STOX2: variants seen among roughly 807,000 people sequenced by gnomAD.
STOX2 encodes the protein storkhead-box protein 2.
In STOX2, 28 loss-of-function variants were observed where a neutral mutation model predicts 60.9. The ratio of observed to expected loss-of-function variants is 0.46; its 90% CI spans 0.34 to 0.63. STOX2 has a LOEUF of 0.63. STOX2 is among the 30% of genes least tolerant of loss of function. The pLI is 0.01. For synonymous variants in STOX2, 472 were observed against 463.9 expected (o/e 1.02, Z -0.22); for missense variants, 1,024 against 1,187.7 (o/e 0.86, Z 2.03).
rs546939656 is a variant in STOX2, at chr4:183,805,417, C to A, written c.364+7362C>A. Reference sequence around the variant, plus strand: ...AATAAATAGATGTATTGCCAAAGTACAAGCTTTGGATCTAATTTTTTAATT... The same window carrying A: ...AATAAATAGATGTATTGCCAAAGTAAAAGCTTTGGATCTAATTTTTTAATT... On this transcript the variant is annotated intron_variant, in intron 1 of 2. Transcript: ENST00000513034. 1.1e-3 allele frequency among the ~76,000 whole-genome samples: 174 copies of A among 152,294 alleles called. 1 individual carries two copies. The highest frequency in any genetic ancestry group is 4.0e-3 in the African/African-American group (167 of 41,572).
At chr4:183,802,111 CCAGACCTCAGGGAG>C (rs1738777940) in intron 1 of STOX2, among the ~76,000 whole-genome samples, 1 of 152,212 alleles carries the variant, frequency 6.6e-6, no homozygotes, top group Non-Finnish European at 1.5e-5. Flanking sequence ...TGCTCCCCCT[CCAGACCTCAGGGAG>C]CACAGGTGCA....
intron 1 of STOX2, among the ~76,000 whole-genome samples, chr4:183,961,340 G>A (rs887303269): frequency 4.0e-5 from 6 of 151,700 alleles, no homozygotes; most frequent in African/African-American, 1.5e-4. Flanking sequence ...AAAACACATC[G>A]AACGACAAGT....
intron 1 of STOX2, among the ~76,000 whole-genome samples, chr4:183,849,656 G>A (rs990658719): frequency 2.6e-5 from 4 of 152,180 alleles, no homozygotes; most frequent in African/African-American, 9.6e-5. Flanking sequence ...ATATGAGATT[G>A]GGATGTGGGA....
chr4:183,844,754 A>C (rs910345922), intron 1 of STOX2, among the ~76,000 whole-genome samples: 2 of 152,146 alleles, frequency 1.3e-5, no homozygotes, highest in East Asian at 3.9e-4. Flanking sequence ...ATTCAGCTTC[A>C]TCTCACCAAG....
At chr4:183,933,794 C>T (rs1742509337) in intron 1 of STOX2, among the ~76,000 whole-genome samples, 1 of 152,038 alleles carries the variant, frequency 6.6e-6, no homozygotes, top group South Asian at 2.1e-4. Flanking sequence ...TTTTAAAGAG[C>T]ATTTATTATT....
At chr4:183,872,053 G>C (rs959281614) in intron 1 of STOX2, among the ~76,000 whole-genome samples, 2 of 151,966 alleles carry the variant, frequency 1.3e-5, no homozygotes, top group Non-Finnish European at 2.9e-5. Flanking sequence ...GCATGGCATC[G>C]AGTGGAATCA....
At chr4:183,895,422 G>A (rs1579385187) in intron 1 of STOX2, among the ~76,000 whole-genome samples, 1 of 152,242 alleles carries the variant, frequency 6.6e-6, no homozygotes, top group East Asian at 1.9e-4. Flanking sequence ...GCACATTGTG[G>A]CACACTTTAT....
chr4:183,805,476 T>G (rs1305945304), intron 1 of STOX2, among the ~76,000 whole-genome samples: 1 of 152,198 alleles, frequency 6.6e-6, no homozygotes, highest in Non-Finnish European at 1.5e-5. Flanking sequence ...AGATCTGGAT[T>G]TTTAAGAAGG....
intron 1 of STOX2, among the ~76,000 whole-genome samples, chr4:183,958,205 A>C (rs1412393073): frequency 6.6e-6 from 1 of 152,170 alleles, no homozygotes; most frequent in East Asian, 1.9e-4. Flanking sequence ...TTTACAACCC[A>C]AGATCGTGAA....
chr4:183,953,118 C>T (rs1050877972), intron 1 of STOX2, among the ~76,000 whole-genome samples: 13 of 151,632 alleles, frequency 8.6e-5, no homozygotes, highest in African/African-American at 2.7e-4. Context: ...AGCAAACCAC[C>T]GTGGCACATG....
upstream of STOX2, among the ~76,000 whole-genome samples, chr4:183,901,943 C>G (rs1266501485): frequency 6.6e-6 from 1 of 152,138 alleles, no homozygotes; most frequent in Non-Finnish European, 1.5e-5. Context: ...TTCATGAAGT[C>G]AGTTTTTCTG....
chr4:183,845,310 G>A (rs1204246173), intron 1 of STOX2, among the ~76,000 whole-genome samples: 2 of 152,122 alleles, frequency 1.3e-5, no homozygotes, highest in African/African-American at 4.8e-5. Flanking sequence ...ATCCAGAGCC[G>A]GAAAAGCTTC....
intron 1 of STOX2, among the ~76,000 whole-genome samples, chr4:183,920,282 G>A (rs1742065349): frequency 6.6e-6 from 1 of 151,886 alleles, no homozygotes; most frequent in Non-Finnish European, 1.5e-5. Flanking sequence ...GCTAATTTTT[G>A]TATTTTTAGT....
intron 1 of STOX2, among the ~76,000 whole-genome samples, chr4:183,841,649 A>C (rs1342964803): frequency 6.6e-6 from 1 of 152,206 alleles, no homozygotes; most frequent in African/African-American, 2.4e-5. Flanking sequence ...ATTTAAAACA[A>C]CTTTTTAGAA....
intron 1 of STOX2, among the ~76,000 whole-genome samples, chr4:183,893,871 A>G (rs777923892): frequency 6.6e-6 from 1 of 152,232 alleles, no homozygotes; most frequent in Non-Finnish European, 1.5e-5. Context: ...TGTAATTAGT[A>G]GCATCCTTCT....
At chr4:183,972,263 G>T (rs149341437) in intron 1 of STOX2, among the ~76,000 whole-genome samples, 60 of 152,256 alleles carry the variant, frequency 3.9e-4, no homozygotes, top group African/African-American at 1.3e-3. Context: ...CTGTCCTTCT[G>T]CCACTTGACA....
chr4:183,910,149 A>C (rs998813115), intron 1 of STOX2, among the ~76,000 whole-genome samples: 3 of 152,176 alleles, frequency 2.0e-5, no homozygotes, highest in Non-Finnish European at 2.9e-5. Flanking sequence ...CAGAAAGGGG[A>C]AGATCTTGCC....
At chr4:183,870,627 G>A (rs1740667260) in intron 1 of STOX2, among the ~76,000 whole-genome samples, 1 of 152,142 alleles carries the variant, frequency 6.6e-6, no homozygotes, top group African/African-American at 2.4e-5. Flanking sequence ...TTTATTATAA[G>A]AATGAGAGTA....
chr4:183,856,160 G>A lies in STOX2; in HGVS notation c.364+58105G>A, dbSNP rs1441216386. Reference sequence around the variant, plus strand: ...GAATAGGCTGGTCACAGATTTCTAGGACACTGAGGCCCATTTAGTGTATTG... The same window carrying A: ...GAATAGGCTGGTCACAGATTTCTAGAACACTGAGGCCCATTTAGTGTATTG... On this transcript the variant is annotated intron_variant, in intron 1 of 2. Transcript: ENST00000513034. The surrounding 1 kb of genome is among the most constrained non-coding windows in gnomAD (Gnocchi z 4.0). 2.0e-5 allele frequency among the ~76,000 whole-genome samples: 3 copies of A among 152,132 alleles called. No individual in the cohort carries two copies. The highest frequency in any genetic ancestry group is 4.4e-5 in the Non-Finnish European group (3 of 68,014).
Sources: gnomAD v4.1 joint callset for allele counts (sites outside exome capture counted in the v4.1 genomes callset) on GRCh38, gnomAD v4.1.1 for gene constraint, Gnocchi (gnomAD v3.1) non-coding constraint, MANE v1.5 for transcripts, NCBI Gene and HGNC (gene_info 2026-07-23, HGNC 2026-07-21) for gene names.